DCLK2: variants seen among roughly 807,000 people sequenced by gnomAD.
The protein encoded by DCLK2 is doublecortin like kinase 2.
Under a neutral mutation model 78.4 loss-of-function variants are expected in DCLK2, and 31 were observed. The observed-to-expected ratio is 0.40, with a 90% CI of 0.30 to 0.53. The LOEUF is 0.53. DCLK2 is among the 20% of genes least tolerant of loss of function. The probability of loss-of-function intolerance (pLI) is 0.61; values close to 1 mark genes in which losing one functional copy is unlikely to be tolerated. For synonymous variants in DCLK2, 407 were observed against 374.9 expected (o/e 1.09, Z -0.99); for missense variants, 872 against 973.7 (o/e 0.90, Z 1.39).
intron 2 of DCLK2, among the ~76,000 whole-genome samples, chr4:150,169,713 A>G (rs1207444291): frequency 6.6e-6 from 1 of 152,008 alleles, no homozygotes; most frequent in Non-Finnish European, 1.5e-5. Flanking sequence ...GTGGGCACAC[A>G]GCATTTATGG....
intron 2 of DCLK2, among the ~76,000 whole-genome samples, chr4:150,142,496 G>A (rs1479175928): frequency 1.3e-5 from 2 of 152,084 alleles, no homozygotes; most frequent in Non-Finnish European, 2.9e-5. Context: ...TTATTATTTA[G>A]CATGCTAAGT....
At chr4:150,239,452 G>A (rs1196016531) in intron 10 of DCLK2, among the ~76,000 whole-genome samples, 3 of 152,036 alleles carry the variant, frequency 2.0e-5, no homozygotes, top group East Asian at 1.9e-4. Flanking sequence ...AAAGAAATTA[G>A]CCTAGTGTGG....
At chr4:150,139,363 G>A (rs72965581) in intron 2 of DCLK2, among the ~76,000 whole-genome samples, 30,500 of 152,100 alleles carry the variant, frequency 0.2, 4,002 homozygotes, top group South Asian at 0.51. Flanking sequence ...TGCTAAGTGT[G>A]ATACAGGGCA....
At chr4:150,210,128 T>C (rs1170624783) in intron 5 of DCLK2, among the ~76,000 whole-genome samples, 1 of 152,156 alleles carries the variant, frequency 6.6e-6, no homozygotes, top group Non-Finnish European at 1.5e-5. Context: ...GGTTTGATCT[T>C]GGCATGGCCA....
At chr4:150,193,351 A>T (rs992002994) in intron 3 of DCLK2, 111 bp downstream of exon 3, 1 of 593,188 alleles carries the variant, frequency 1.7e-6, no homozygotes, top group African/African-American at 1.8e-5. Context: ...CATGTTGAGG[A>T]AAGATAGCAT....
intron 2 of DCLK2, among the ~76,000 whole-genome samples, chr4:150,143,957 A>C (rs1310183719): frequency 6.6e-6 from 1 of 152,004 alleles, no homozygotes; most frequent in East Asian, 1.9e-4. Flanking sequence ...TGCCAGAGAC[A>C]TAATTTGCAA....
At chr4:150,134,333 C>T (rs1051688034) in intron 2 of DCLK2, among the ~76,000 whole-genome samples, 3 of 152,006 alleles carry the variant, frequency 2.0e-5, no homozygotes, top group Admixed American at 1.3e-4. Context: ...CCACCTGCCT[C>T]GGCCTCCCAA....
intron 3 of DCLK2, among the ~76,000 whole-genome samples, chr4:150,196,999 T>C (rs1483515867): frequency 1.3e-5 from 2 of 151,786 alleles, no homozygotes; most frequent in Non-Finnish European, 2.9e-5. Context: ...ACTAAAAATA[T>C]AGAGAATTAA....
intron 4 of DCLK2, 74 bp from the exon 5 acceptor site, chr4:150,203,721 C>T (rs1417635291): frequency 9.1e-6 from 11 of 1,215,354 alleles, no homozygotes; most frequent in Admixed American, 3.5e-5. Context: ...TGTGCATGCA[C>T]CTAGTGTATT....
rs1389726392 is a variant in DCLK2, at chr4:150,256,121, G to A, written c.2175G>A (p.Val725=). Residue 725 remains valine (V), a synonymous_variant, in exon 16 of 16, where the codon GTG becomes GTA. Transcript: ENST00000296550. ...MEPISPVPPS[V]EEIPVPGEAV... ...CCATCTCTCCAGTTCCTCCCTCAGT[G>A]GAGGAGATCCCTGTGCCTGGGGAAG... 1 of 1,612,400 alleles carries A rather than the reference G, an allele frequency of 6.2e-7. No individual in the cohort carries two copies. Among genetic ancestry groups the A allele is most frequent in the Non-Finnish European group, 8.5e-7 (1 of 1,179,836 alleles).
intron 2 of DCLK2, among the ~76,000 whole-genome samples, chr4:150,107,721 A>G (rs1731371337): frequency 6.6e-6 from 1 of 152,114 alleles, no homozygotes; most frequent in Non-Finnish European, 1.5e-5. Flanking sequence ...ATTTGTCTTC[A>G]TTGTGTGAGG....
intron 2 of DCLK2, among the ~76,000 whole-genome samples, chr4:150,126,538 T>G (rs1732929937): frequency 1.3e-5 from 2 of 152,358 alleles, no homozygotes; most frequent in South Asian, 2.1e-4. Context: ...AATTTGGTGC[T>G]TTAATTTGGA....
At position 150,224,497 on chromosome 4, in the gene DCLK2, A is replaced by G. The variant is rs1177228267; in HGVS notation, c.1242-4A>G. On this transcript the variant is annotated splice_polypyrimidine_tract_variant and splice_region_variant and intron_variant, in intron 7 of 15. Coordinates refer to ENST00000296550, the MANE Select transcript of DCLK2 (RefSeq NM_001040260.4). ...TAAATGGTCTTCCTCTGATTATTCCATAGGTCCACTGGAAAGGAGTTTGCC... is the reference window on the plus strand; with the variant it reads ...TAAATGGTCTTCCTCTGATTATTCCGTAGGTCCACTGGAAAGGAGTTTGCC... 5 of 1,608,856 alleles carry G rather than the reference A, an allele frequency of 3.1e-6. No homozygotes were observed. Among genetic ancestry groups the G allele is most frequent in the East Asian group, 2.2e-5 (1 of 44,756 alleles).
At chr4:150,095,321 G>T (rs537195460) in intron 1 of DCLK2, among the ~76,000 whole-genome samples, 1 of 152,264 alleles carries the variant, frequency 6.6e-6, no homozygotes, top group African/African-American at 2.4e-5. Flanking sequence ...CGCCTATGAA[G>T]GCATCCCTAA....
At chr4:150,233,261 A>G (rs1742223271) in intron 10 of DCLK2, among the ~76,000 whole-genome samples, 1 of 152,174 alleles carries the variant, frequency 6.6e-6, no homozygotes, top group Non-Finnish European at 1.5e-5. Flanking sequence ...ATGAGAACTC[A>G]CTACCACAGG....
chr4:150,218,855 C>T (rs1057410417), intron 5 of DCLK2, among the ~76,000 whole-genome samples: 1 of 152,152 alleles, frequency 6.6e-6, no homozygotes, highest in Non-Finnish European at 1.5e-5. Flanking sequence ...ATCTTTTTAT[C>T]TTCTGAGATA....
chr4:150,236,422 G>C (rs1742514535), intron 10 of DCLK2, among the ~76,000 whole-genome samples: 1 of 152,194 alleles, frequency 6.6e-6, no homozygotes, highest in Non-Finnish European at 1.5e-5. Context: ...GTGCGCCTCA[G>C]TCTCCTCGTT....
chr4:150,209,019 G>A (rs1740090890), intron 5 of DCLK2, among the ~76,000 whole-genome samples: 1 of 152,172 alleles, frequency 6.6e-6, no homozygotes, highest in Admixed American at 6.5e-5. Flanking sequence ...GGCATAGCTG[G>A]GTGTTGAGCC....
intron 2 of DCLK2, among the ~76,000 whole-genome samples, chr4:150,178,279 A>T (rs1206470841): frequency 1.3e-5 from 2 of 152,200 alleles, no homozygotes; most frequent in Admixed American, 1.3e-4. Context: ...ATCAACTTGC[A>T]AATCAGTTGT....
Sources: allele counts gnomAD v4.1 joint callset (sites outside exome capture counted in the v4.1 genomes callset), GRCh38; gene constraint gnomAD v4.1.1; transcripts MANE v1.5; gene names NCBI Gene and HGNC (gene_info 2026-07-23, HGNC 2026-07-21).